Variants in COL22A1 observed in about 807,000 individuals in gnomAD.
COL22A1 encodes the protein collagen alpha-1(XXII) chain.
In COL22A1, 221 loss-of-function variants were observed where a neutral mutation model predicts 248.9. That is an observed-to-expected ratio of 0.89 (90% CI 0.80 to 0.99). COL22A1 has a LOEUF of 0.99. Ranked by LOEUF, COL22A1 falls within the 50% of genes least tolerant of loss-of-function variation. The pLI, the probability that COL22A1 is intolerant of heterozygous loss-of-function variation, is 0.00. For missense variants in COL22A1, 2,240 were observed against 2,179.0 expected, an observed-to-expected ratio of 1.03 and a Z score of -0.56; for synonymous variants, 891 against 793.4, an observed-to-expected ratio of 1.12 and a Z score of -2.07.
At chr8:138,859,896 G>A (rs1822325671) in intron 3 of COL22A1, among the ~76,000 whole-genome samples, 1 of 147,878 alleles carries the variant, frequency 6.8e-6, no homozygotes, top group Admixed American at 6.8e-5. Flanking sequence ...AACGGTGGCT[G>A]TAGGCTTTCA....
chr8:138,878,051 G>T lies in COL22A1; in HGVS notation c.357C>A (p.Asp119Glu), dbSNP rs371320801. ...TGCGGGCCGTGATGTAGCGGAGCGC[G>T]TCTCCCGTGTTGGTGTTGCCCCCGT... Reference protein sequence around the residue: ...AYHGGNTNTGDALRYITARSF... With the variant: ...AYHGGNTNTGEALRYITARSF... The change falls in exon 3 of 65, where the codon GAC (aspartate) becomes GAA (glutamate). Residue 119 changes from aspartate (D) to glutamate (E), a missense_variant. Transcript: ENST00000303045. 2.8e-5 allele frequency: 44 copies of T among 1,594,178 alleles called. No homozygotes were observed. Among genetic ancestry groups the T allele is most frequent in the Non-Finnish European group, 3.1e-5 (36 of 1,171,038 alleles).
At chr8:138,693,250 CTG>C (rs140727299) in intron 35 of COL22A1, among the ~76,000 whole-genome samples, 7 of 150,522 alleles carry the variant, frequency 4.7e-5, no homozygotes, top group Admixed American at 2.0e-4. Context: ...GTGTTTGGGG[CTG>C]TGTGTGTGTG....
chr8:138,606,763 T>C (rs1818457431), intron 57 of COL22A1, among the ~76,000 whole-genome samples: 1 of 151,820 alleles, frequency 6.6e-6, no homozygotes, highest in Non-Finnish European at 1.5e-5. Flanking sequence ...CTCCAAGGAG[T>C]GCTCTAGTGA....
intron 41 of COL22A1, among the ~76,000 whole-genome samples, chr8:138,670,505 C>T (rs1824923815): frequency 1.3e-5 from 2 of 152,106 alleles, no homozygotes; most frequent in Non-Finnish European, 2.9e-5. Context: ...TCACACCTAA[C>T]AGAATCTAGC....
chr8:138,601,945 C>T (rs938426510), intron 60 of COL22A1, among the ~76,000 whole-genome samples, 170 bp downstream of exon 60: 1 of 152,164 alleles, frequency 6.6e-6, no homozygotes, highest in African/African-American at 2.4e-5. Context: ...AAGAACCTCC[C>T]TTTGTGGGGC....
At chr8:138,779,476 C>A (rs1307100335) in intron 14 of COL22A1, 33 bp downstream of exon 14, 2 of 1,549,094 alleles carry the variant, frequency 1.3e-6, no homozygotes, top group South Asian at 1.1e-5. Flanking sequence ...CCCCTGGGAG[C>A]ATCAGAAGGG....
chr8:138,865,324 TAGTG>T (rs749032535), intron 3 of COL22A1, among the ~76,000 whole-genome samples: 2 of 152,164 alleles, frequency 1.3e-5, no homozygotes, highest in Admixed American at 1.3e-4. Context: ...TGGGGCTGTG[TAGTG>T]AGTATGTATG....
intron 49 of COL22A1, among the ~76,000 whole-genome samples, chr8:138,633,194 C>T (rs967088936): frequency 3.9e-5 from 6 of 152,224 alleles, no homozygotes; most frequent in African/African-American, 1.4e-4. Context: ...GCTGCTGAAC[C>T]TAAACAGGCA....
chr8:138,827,129 G>A (rs1029212346), intron 5 of COL22A1: 2 of 279,020 alleles, frequency 7.2e-6, no homozygotes, highest in South Asian at 9.3e-5. Context: ...ACCCAGCTTC[G>A]CTGCTCCCTG....
At chr8:138,730,791 G>A (rs1253294925) in intron 23 of COL22A1, among the ~76,000 whole-genome samples, 2 of 151,866 alleles carry the variant, frequency 1.3e-5, no homozygotes, top group Non-Finnish European at 2.9e-5. Context: ...TGAGCTTGCT[G>A]TGGAAGGGCT....
At chr8:138,873,605 C>A (rs991932116) in intron 3 of COL22A1, among the ~76,000 whole-genome samples, 3 of 152,166 alleles carry the variant, frequency 2.0e-5, no homozygotes, top group Non-Finnish European at 2.9e-5. Flanking sequence ...ATTACACATT[C>A]CGTTGTGTAA....
chr8:138,851,715 G>A (rs1320091414), intron 3 of COL22A1, among the ~76,000 whole-genome samples: 1 of 152,150 alleles, frequency 6.6e-6, no homozygotes, highest in Non-Finnish European at 1.5e-5. Context: ...CTTTTTGTGT[G>A]ACAGCCAGCA....
intron 32 of COL22A1, among the ~76,000 whole-genome samples, chr8:138,699,880 TGA>T (rs1240144028): frequency 1.3e-5 from 2 of 152,254 alleles, no homozygotes; most frequent in African/African-American, 4.8e-5. Flanking sequence ...CTCTTAGCTA[TGA>T]GAGGTGACTT....
chr8:138,646,958 C>T (rs558189541), intron 46 of COL22A1, among the ~76,000 whole-genome samples: 1 of 152,312 alleles, frequency 6.6e-6, no homozygotes, highest in East Asian at 1.9e-4. Flanking sequence ...TATTTGCAAC[C>T]TGGAGCAGCC....
At chr8:138,801,733 G>T (rs1027816847) in intron 11 of COL22A1, among the ~76,000 whole-genome samples, 1 of 152,282 alleles carries the variant, frequency 6.6e-6, no homozygotes, top group African/African-American at 2.4e-5. Flanking sequence ...ACAAAAATTA[G>T]CTGGGCATGG....
chr8:138,608,244 G>C (rs1482948431), intron 56 of COL22A1, among the ~76,000 whole-genome samples: 2 of 152,204 alleles, frequency 1.3e-5, no homozygotes, highest in African/African-American at 2.4e-5. Context: ...CTGGTGAATG[G>C]TGCCCACAGC....
intron 16 of COL22A1, among the ~76,000 whole-genome samples, chr8:138,774,609 G>A (rs781421693): frequency 5.3e-5 from 8 of 151,864 alleles, no homozygotes; most frequent in Admixed American, 1.3e-4. Flanking sequence ...TAGTAGAGAC[G>A]GGGTTTCACC....
intron 23 of COL22A1, among the ~76,000 whole-genome samples, chr8:138,731,355 G>A (rs1242597442): frequency 6.6e-6 from 1 of 152,084 alleles, no homozygotes. Flanking sequence ...AATGGTAGGA[G>A]GAAAACTTGC....
intron 41 of COL22A1, among the ~76,000 whole-genome samples, chr8:138,664,740 G>A (rs1824343995): frequency 6.6e-6 from 1 of 152,186 alleles, no homozygotes; most frequent in African/African-American, 2.4e-5. Flanking sequence ...TGCATTGCAA[G>A]AACATAGCCG....
Sources: gnomAD v4.1 joint callset for allele counts (sites outside exome capture counted in the v4.1 genomes callset) on GRCh38, gnomAD v4.1.1 for gene constraint, MANE v1.5 for transcripts, NCBI Gene and HGNC (gene_info 2026-07-23, HGNC 2026-07-21) for gene names.